The following ERI3 variants were observed in gnomAD, a reference collection of about 807,000 sequenced individuals.
ERI3 encodes ERI1 exoribonuclease 3.
A neutral mutation model predicts 44.4 loss-of-function variants in ERI3; 18 were observed. The observed-to-expected ratio is 0.41, with a 90% CI of 0.28 to 0.60. The LOEUF (loss-of-function observed/expected upper bound fraction) is 0.60, where lower values mean the gene tolerates loss of function less well. Ranked by LOEUF, ERI3 falls within the 20% of genes least tolerant of loss-of-function variation. The pLI is 0.36. For synonymous variants in ERI3, 183 were observed against 164.8 expected (o/e 1.11, Z -0.84); for missense variants, 294 against 435.5 (o/e 0.68, Z 2.89).
chr1:44,352,337 C>T (rs1422446593), intron 2 of ERI3, among the ~76,000 whole-genome samples: 2 of 152,200 alleles, frequency 1.3e-5, no homozygotes, highest in African/African-American at 4.8e-5. Context: ...GTAGCTCCAG[C>T]TACTTGTGGG....
chr1:44,296,866 G>A (rs1423223185), intron 6 of ERI3, among the ~76,000 whole-genome samples: 5 of 152,158 alleles, frequency 3.3e-5, no homozygotes, highest in African/African-American at 1.2e-4. Context: ...TTGCAGAAAG[G>A]GGTCAGGGTG....
chr1:44,237,367 TC>T, intron 8 of ERI3, among the ~76,000 whole-genome samples: 1 of 152,316 alleles, frequency 6.6e-6, no homozygotes, highest in East Asian at 1.9e-4. Context: ...ATGATCTCTT[TC>T]CCAGACACTT....
At chr1:44,322,618 C>A in intron 3 of ERI3, 1 of 1,361,320 alleles carries the variant, frequency 7.3e-7, no homozygotes, top group Non-Finnish European at 9.7e-7. Flanking sequence ...AATGAGCCTA[C>A]ACACTGGCAT....
chr1:44,277,460 A>G (rs1645202057), intron 7 of ERI3, among the ~76,000 whole-genome samples: 2 of 152,150 alleles, frequency 1.3e-5, no homozygotes, highest in African/African-American at 4.8e-5. Context: ...TCACCTTCAA[A>G]GCAACATTTC....
intron 5 of ERI3, 139 bp downstream of exon 5, chr1:44,313,030 G>T: frequency 1.3e-6 from 1 of 765,210 alleles, no homozygotes. Flanking sequence ...TCAACAGCAT[G>T]TCACTGATGT....
At chr1:44,231,162 C>T (rs1644174031) in intron 8 of ERI3, among the ~76,000 whole-genome samples, 1 of 152,086 alleles carries the variant, frequency 6.6e-6, no homozygotes, top group South Asian at 2.1e-4. Flanking sequence ...TTGACGGCGA[C>T]CCATCACATG....
intron 6 of ERI3, among the ~76,000 whole-genome samples, chr1:44,291,556 C>T (rs923385522): frequency 1.6e-4 from 25 of 152,146 alleles, no homozygotes; most frequent in African/African-American, 5.6e-4. Flanking sequence ...CAGAAGCCTA[C>T]AGGATAGAGT....
intron 3 of ERI3, among the ~76,000 whole-genome samples, chr1:44,325,751 T>C (rs1288373332): frequency 6.6e-6 from 1 of 152,036 alleles, no homozygotes; most frequent in African/African-American, 2.4e-5. Flanking sequence ...AACCTCCGCC[T>C]CCCAGGTTCA....
At chr1:44,274,892 C>A (rs755607287) in intron 7 of ERI3, among the ~76,000 whole-genome samples, 18 of 152,216 alleles carry the variant, frequency 1.2e-4, no homozygotes, top group Admixed American at 7.2e-4. Flanking sequence ...TGTGTTTTTT[C>A]CCAAAGACAG....
In ERI3 at chr1:44,252,486, A is replaced by G. The variant is rs1051315085; in HGVS notation, c.832-4448T>C. 6.6e-6 allele frequency among the ~76,000 whole-genome samples: 1 copy of G among 152,176 alleles called. No homozygotes were observed. Among genetic ancestry groups the G allele is most frequent in the Non-Finnish European group, 1.5e-5 (1 of 68,012 alleles). On this transcript the variant is annotated intron_variant, in intron 7 of 8. Transcript: ENST00000372257. The surrounding 1 kb of genome is among the most constrained non-coding windows in gnomAD (Gnocchi z 4.7). ...GGGAGCTTTGCCATTAGCGCCTTTA[A>G]TATTCTGACACCTCAGCGCAGCCTG...
intron 8 of ERI3, among the ~76,000 whole-genome samples, chr1:44,234,477 C>G (rs1183933171): frequency 6.6e-6 from 1 of 152,008 alleles, no homozygotes; most frequent in African/African-American, 2.4e-5. Flanking sequence ...GCCTGGCCAA[C>G]ATGGCGAAAC....
At chr1:44,321,481 T>C (rs368240311) in intron 3 of ERI3, among the ~76,000 whole-genome samples, 7 of 152,110 alleles carry the variant, frequency 4.6e-5, no homozygotes, top group Admixed American at 6.5e-5. Flanking sequence ...CAAGAAGCAT[T>C]ACATACAGAG....
At chr1:44,304,899 T>A (rs1197614796) in intron 6 of ERI3, among the ~76,000 whole-genome samples, 1 of 152,150 alleles carries the variant, frequency 6.6e-6, no homozygotes, top group African/African-American at 2.4e-5. Flanking sequence ...AATGCCTGCA[T>A]TTATGTGTTC....
chr1:44,308,035 AAC>A (rs1240997735), intron 6 of ERI3, among the ~76,000 whole-genome samples: 3 of 152,192 alleles, frequency 2.0e-5, no homozygotes, highest in Non-Finnish European at 4.4e-5. Flanking sequence ...CCAGGGCAAT[AAC>A]ACACAGCCCC....
In ERI3 at chr1:44,221,746, C is replaced by G. The variant is rs539767702; in HGVS notation, c.932-106G>C. ...GGGAAGCAGGGTCAGATTCAGGAGA[C>G]ACAGGCTTTAGAGAGGGTGGTCCCA... is the stretch of plus-strand genomic sequence containing the variant. On this transcript the variant is annotated intron_variant, in intron 8 of 8. Coordinates refer to ENST00000372257, the MANE Select transcript of ERI3 (RefSeq NM_024066.3). The surrounding 1 kb of genome is among the most constrained non-coding windows in gnomAD (Gnocchi z 5.9). The G allele has an allele frequency of 5.6e-6, 5 of 894,128 alleles. No homozygotes were observed. In the Admixed American group the frequency reaches 9.8e-5, roughly 18 times the overall value. The allele number at this position is 894,128 out of a possible 1,614,324, so 55.4% of individuals were successfully genotyped here. A position where few individuals can be genotyped will look rare whatever the true frequency, so the allele number is the denominator to read the frequency against.
At chr1:44,354,844 T>C (rs776256595) in intron 1 of ERI3, 48 bp downstream of exon 1, 6 of 1,313,060 alleles carry the variant, frequency 4.6e-6, no homozygotes, top group Non-Finnish European at 5.9e-6. Flanking sequence ...TCACCCCGCA[T>C]GCATTAACCA....
chr1:44,273,274 G>A, intron 7 of ERI3, among the ~76,000 whole-genome samples: 1 of 152,218 alleles, frequency 6.6e-6, no homozygotes, highest in Non-Finnish European at 1.5e-5. Context: ...GGCTATGGAA[G>A]GAAGGATTCA....
rs541742308 is a variant in ERI3 at position 44,259,736 on chromosome 1, C to A, written c.832-11698G>T. On this transcript the variant is annotated intron_variant, in intron 7 of 8. Transcript: ENST00000372257. ...CACACACACACACAAATTAGCCAGG[C>A]ATGGTGACGTGCACCTGTGATCCTA... Among the ~76,000 whole-genome samples, 4 of 99,272 alleles carry A rather than the reference C, an allele frequency of 4.0e-5. No individual in the cohort carries two copies. In the East Asian group the frequency reaches 1.2e-3, roughly 31 times the overall value. The allele number at this position is 99,272 out of a possible 152,430, so 65.1% of individuals were successfully genotyped here. A position where few individuals can be genotyped will look rare whatever the true frequency, so the allele number is the denominator to read the frequency against.
intron 7 of ERI3, among the ~76,000 whole-genome samples, chr1:44,284,327 T>C (rs1037656155): frequency 6.6e-6 from 1 of 152,178 alleles, no homozygotes; most frequent in African/African-American, 2.4e-5. Context: ...CTAGTTTCCA[T>C]GGCTCTTCCT....
Sources: allele counts gnomAD v4.1 joint callset (sites outside exome capture counted in the v4.1 genomes callset), GRCh38; gene constraint gnomAD v4.1.1; non-coding constraint Gnocchi (gnomAD v3.1); transcripts MANE v1.5; gene names NCBI Gene and HGNC (gene_info 2026-07-23, HGNC 2026-07-21).